SCNN1B: variants seen among roughly 807,000 people sequenced by gnomAD.
SCNN1B encodes the protein epithelial sodium channel subunit beta.
SCNN1B carries 46 observed loss-of-function variants against 65.3 expected under a neutral mutation model. That is an observed-to-expected ratio of 0.70 (90% CI 0.56 to 0.90). The LOEUF (loss-of-function observed/expected upper bound fraction) is 0.90. Among genes scored for constraint, SCNN1B ranks in the 40% least tolerant of loss-of-function variants. SCNN1B has a pLI of 0.00. For synonymous variants in SCNN1B, 349 were observed against 330.6 expected, an observed-to-expected ratio of 1.06 and a Z score of -0.60; for missense variants, 751 against 830.5, an observed-to-expected ratio of 0.90 and a Z score of 1.18.
intron 2 of SCNN1B, among the ~76,000 whole-genome samples, chr16:23,284,059 A>C (rs1327451043): frequency 6.6e-6 from 1 of 152,198 alleles, no homozygotes; most frequent in Non-Finnish European, 1.5e-5. Context: ...ATTTAGATAG[A>C]AGTCAATTGA....
intron 2 of SCNN1B, among the ~76,000 whole-genome samples, chr16:23,351,773 T>C (rs1021937857): frequency 2.6e-5 from 4 of 152,206 alleles, no homozygotes; most frequent in African/African-American, 7.2e-5. Flanking sequence ...ATGTCCAACA[T>C]GGGAGCGCCA....
intron 7 of SCNN1B, among the ~76,000 whole-genome samples, chr16:23,374,959 C>T (rs1962862974): frequency 6.6e-6 from 1 of 152,148 alleles, no homozygotes; most frequent in Non-Finnish European, 1.5e-5. Flanking sequence ...TGAATCCTCC[C>T]TCCCAACCTC....
At chr16:23,362,178 C>G (rs1962566692) in intron 4 of SCNN1B, among the ~76,000 whole-genome samples, 1 of 150,550 alleles carries the variant, frequency 6.6e-6, no homozygotes, top group Admixed American at 6.6e-5. Context: ...AACCCCATCT[C>G]TACTAAAAAT....
intron 2 of SCNN1B, among the ~76,000 whole-genome samples, chr16:23,352,586 C>T (rs1365694998): frequency 6.6e-6 from 1 of 152,192 alleles, no homozygotes; most frequent in Non-Finnish European, 1.5e-5. Context: ...CTTCCCCCTT[C>T]ACCTTCCGCC....
intron 4 of SCNN1B, among the ~76,000 whole-genome samples, chr16:23,365,441 G>A (rs1429527652): frequency 2.3e-5 from 3 of 132,376 alleles, no homozygotes; most frequent in Admixed American, 7.8e-5. Flanking sequence ...AAGGAAGAAA[G>A]AAAGAAAGAG....
At chr16:23,314,509 G>A (rs1034400440) in intron 1 of SCNN1B, among the ~76,000 whole-genome samples, 1 of 152,102 alleles carries the variant, frequency 6.6e-6, no homozygotes, top group Non-Finnish European at 1.5e-5. Context: ...CTAGCAAATG[G>A]TGTGTCTGGG....
intron 2 of SCNN1B, among the ~76,000 whole-genome samples, chr16:23,293,602 G>A (rs1160741036): frequency 6.6e-6 from 1 of 152,148 alleles, no homozygotes; most frequent in African/African-American, 2.4e-5. Context: ...CCTTGTAAAT[G>A]TATTTAATGC....
rs2142050015 is a variant in SCNN1B, at chr16:23,380,245, C to T, written c.1542+76C>T. ...GCACCCTGAGGGTGGGGGAAGGGTT[C>T]TGAGCCCTATGAAGGAATTAGGAAG... On this transcript the variant is annotated intron_variant, in intron 12 of 12. Coordinates refer to ENST00000343070, the MANE Select transcript of SCNN1B (RefSeq NM_000336.3). This position sits in a 1 kb window ranked among gnomAD's most constrained non-coding sequence, Gnocchi z 5.4. 1.3e-6 allele frequency: 2 copies of T among 1,513,496 alleles called. No individual in the cohort carries two copies. The highest frequency in any genetic ancestry group is 1.7e-5 in the Admixed American group (1 of 59,828). 93.8% of individuals were successfully genotyped at this position (1,513,496 alleles called of 1,614,324 possible). A position where few individuals can be genotyped will look rare whatever the true frequency, so the allele number is the denominator to read the frequency against.
intron 2 of SCNN1B, among the ~76,000 whole-genome samples, 198 bp from the exon 3 acceptor site, chr16:23,352,603 G>C (rs1005809742): frequency 1.3e-5 from 2 of 152,126 alleles, no homozygotes; most frequent in Admixed American, 6.5e-5. Context: ...CGCCATGATT[G>C]TAAGTTTCCT....
chr16:23,370,666 C>T (rs1255516007), intron 5 of SCNN1B, among the ~76,000 whole-genome samples: 2 of 152,216 alleles, frequency 1.3e-5, no homozygotes, highest in Non-Finnish European at 2.9e-5. Context: ...AAGACCCTGA[C>T]ACCTCGTCTG....
At chr16:23,317,913 T>C (rs887547957) in intron 1 of SCNN1B, among the ~76,000 whole-genome samples, 7 of 152,288 alleles carry the variant, frequency 4.6e-5, no homozygotes, top group African/African-American at 1.7e-4. Context: ...TGGAGTTGTA[T>C]AGGGCACAGT....
At chr16:23,281,475 C>T (rs1222613157) in intron 1 of SCNN1B, among the ~76,000 whole-genome samples, 1 of 152,104 alleles carries the variant, frequency 6.6e-6, no homozygotes, top group African/African-American at 2.4e-5. Context: ...AGTTAAGACT[C>T]TGGTACATAA....
chr16:23,317,152 C>A (rs1018730664), intron 1 of SCNN1B, among the ~76,000 whole-genome samples: 1 of 152,216 alleles, frequency 6.6e-6, no homozygotes, highest in Non-Finnish European at 1.5e-5. Context: ...AGGCAATTGA[C>A]CTAACATCTC....
chr16:23,304,829 C>T (rs940361361), intron 1 of SCNN1B, among the ~76,000 whole-genome samples: 1 of 152,112 alleles, frequency 6.6e-6, no homozygotes, highest in African/African-American at 2.4e-5. Context: ...CTCCCTGAGC[C>T]GTAGTTTTCA....
At chr16:23,327,869 A>G (rs1430679615) in intron 1 of SCNN1B, among the ~76,000 whole-genome samples, 1 of 152,254 alleles carries the variant, frequency 6.6e-6, no homozygotes, top group Non-Finnish European at 1.5e-5. Context: ...AAAGAAAAGA[A>G]TAAACAGGAA....
chr16:23,328,971 GA>G (rs1961752477), intron 1 of SCNN1B, among the ~76,000 whole-genome samples: 1 of 151,378 alleles, frequency 6.6e-6, no homozygotes, highest in Admixed American at 6.6e-5. Flanking sequence ...CATTTTTTAA[GA>G]TTTTTTTTGT....
At chr16:23,359,380 A>G (rs923430198) in intron 4 of SCNN1B, 1 of 152,038 alleles carries the variant, frequency 6.6e-6, no homozygotes, top group Non-Finnish European at 1.5e-5. Flanking sequence ...TTCCCTCCCT[A>G]CCCACCTCTC....
At chr16:23,357,576 CTG>C (rs750015812) in intron 4 of SCNN1B, among the ~76,000 whole-genome samples, 1 of 152,144 alleles carries the variant, frequency 6.6e-6, no homozygotes, top group Non-Finnish European at 1.5e-5. Context: ...GAGTGAGACT[CTG>C]TATTAAAAAG....
intron 1 of SCNN1B, among the ~76,000 whole-genome samples, chr16:23,316,590 T>C (rs1163966420): frequency 2.3e-5 from 3 of 128,070 alleles, no homozygotes; most frequent in Non-Finnish European, 4.5e-5. Context: ...ATCACCATCT[T>C]CACCACCATC....
Sources: allele counts gnomAD v4.1 joint callset (sites outside exome capture counted in the v4.1 genomes callset), GRCh38; gene constraint gnomAD v4.1.1; non-coding constraint Gnocchi (gnomAD v3.1); transcripts MANE v1.5; gene names NCBI Gene and HGNC (gene_info 2026-07-23, HGNC 2026-07-21).